The following CADM2 variants were observed in gnomAD, a reference collection of about 807,000 sequenced individuals.
CADM2 encodes the protein immunoglobulin superfamily member 4D.
Under a neutral mutation model 49.8 loss-of-function variants are expected in CADM2, and 12 were observed. The ratio of observed to expected loss-of-function variants is 0.24; its 90% confidence interval spans 0.15 to 0.39. The LOEUF (loss-of-function observed/expected upper bound fraction) is 0.39. CADM2 is among the 10% of genes least tolerant of loss of function. The probability of loss-of-function intolerance (pLI) is 1.00; values close to 1 mark genes in which losing one functional copy is unlikely to be tolerated. For synonymous variants in CADM2, 214 were observed against 175.4 expected, an observed-to-expected ratio of 1.22 and a Z score of -1.74; for missense variants, 378 against 492.3, an observed-to-expected ratio of 0.77 and a Z score of 2.20.
intron 1 of CADM2, among the ~76,000 whole-genome samples, chr3:85,028,062 G>A (rs773873559): frequency 2.8e-4 from 42 of 151,994 alleles, no homozygotes; most frequent in Non-Finnish European, 5.6e-4. Flanking sequence ...CCAAACCCTT[G>A]TATTCATAGG....
chr3:85,473,807 C>A (rs572181715), intron 1 of CADM2, among the ~76,000 whole-genome samples: 6 of 152,126 alleles, frequency 3.9e-5, no homozygotes, highest in African/African-American at 1.4e-4. Flanking sequence ...TGAAAATATA[C>A]TATAGGATAT....
intron 1 of CADM2, among the ~76,000 whole-genome samples, chr3:85,565,748 A>C (rs2107204716): frequency 6.6e-6 from 1 of 152,258 alleles, no homozygotes; most frequent in Admixed American, 6.5e-5. Context: ...CTATAATTTG[A>C]AAATCCAGTG....
chr3:85,353,065 G>C (rs1429003837), intron 1 of CADM2, among the ~76,000 whole-genome samples: 6 of 152,142 alleles, frequency 3.9e-5, no homozygotes, highest in African/African-American at 1.4e-4. Context: ...TCTGTAGAGT[G>C]AGAGCTAATC....
At chr3:85,248,043 A>G (rs954349642) in intron 1 of CADM2, among the ~76,000 whole-genome samples, 5 of 152,184 alleles carry the variant, frequency 3.3e-5, no homozygotes, top group Non-Finnish European at 7.4e-5. Context: ...TCACTCAGAT[A>G]GATTGTGCAT....
intron 6 of CADM2, among the ~76,000 whole-genome samples, chr3:85,915,793 G>A (rs1240530574): frequency 3.9e-5 from 6 of 152,052 alleles, no homozygotes; most frequent in Admixed American, 3.3e-4. Flanking sequence ...CTAAAAGACT[G>A]GCCCAAATGG....
Position 84,959,525 on chromosome 3 carries a change from A to T in CADM2, c.-83A>T, listed in dbSNP as rs1386173919. 2.2e-6 allele frequency: 3 copies of T among 1,343,686 alleles called. No individual in the cohort carries two copies. The highest frequency in any genetic ancestry group is 5.1e-5 in the East Asian group (2 of 39,314). The allele number at this position is 1,343,686 out of a possible 1,614,324, so 83.2% of individuals were successfully genotyped here. The stretch of plus-strand genomic sequence containing the variant: ...CGGCGGGCGCCGGGAGGAGGACACC[A>T]GCGGAGCCCTGCACTCTCGTGCCCC... On this transcript the variant is annotated 5_prime_UTR_variant, in exon 1 of 10. Transcript: ENST00000383699.
At chr3:85,977,394 T>C (rs1028514348) in intron 8 of CADM2, among the ~76,000 whole-genome samples, 1 of 151,506 alleles carries the variant, frequency 6.6e-6, no homozygotes, top group Non-Finnish European at 1.5e-5. Flanking sequence ...CCTGGTATTA[T>C]TGTTTGTTCA....
At chr3:85,088,097 T>C (rs2037453124) in intron 1 of CADM2, among the ~76,000 whole-genome samples, 1 of 152,028 alleles carries the variant, frequency 6.6e-6, no homozygotes, top group Admixed American at 6.6e-5. Flanking sequence ...TGTCTAATCC[T>C]GAATGAAGGT....
chr3:85,402,058 A>T (rs2035139335), intron 1 of CADM2, among the ~76,000 whole-genome samples: 1 of 152,136 alleles, frequency 6.6e-6, no homozygotes, highest in Non-Finnish European at 1.5e-5. Flanking sequence ...GAAATACGTT[A>T]TTTCTACATT....
intron 1 of CADM2, among the ~76,000 whole-genome samples, chr3:85,167,498 A>ATTCCT (rs1272867915): frequency 1.8e-4 from 27 of 152,250 alleles, no homozygotes; most frequent in Middle Eastern, 6.8e-3. Context: ...TGAGTGCCAA[A>ATTCCT]TACTTTGTAA....
chr3:85,729,879 C>G (rs1176225805), intron 2 of CADM2, among the ~76,000 whole-genome samples: 1 of 152,070 alleles, frequency 6.6e-6, no homozygotes, highest in African/African-American at 2.4e-5. Context: ...AACTGTTAAG[C>G]TTTTGTCTGA....
chr3:85,660,911 CT>C (rs1232452246), intron 1 of CADM2, among the ~76,000 whole-genome samples: 1 of 136,688 alleles, frequency 7.3e-6, no homozygotes, highest in East Asian at 2.4e-4. Flanking sequence ...TATAATCAAA[CT>C]AAAAAAAAAA....
At chr3:85,977,766 C>T (rs543761086) in intron 8 of CADM2, among the ~76,000 whole-genome samples, 2 of 151,682 alleles carry the variant, frequency 1.3e-5, no homozygotes, top group East Asian at 3.9e-4. Context: ...ATTAATGCAG[C>T]ACCACTGAGT....
At chr3:85,836,349 A>G (rs1487630637) in intron 3 of CADM2, among the ~76,000 whole-genome samples, 1 of 151,602 alleles carries the variant, frequency 6.6e-6, no homozygotes, top group Admixed American at 6.6e-5. Flanking sequence ...AAAAGAAAAA[A>G]CTGTGGTCAC....
chr3:85,334,188 A>G (rs765766932), intron 1 of CADM2, among the ~76,000 whole-genome samples: 3 of 151,460 alleles, frequency 2.0e-5, no homozygotes, highest in African/African-American at 4.8e-5. Flanking sequence ...TTGTAATCAA[A>G]TCTCTCCTGG....
At chr3:85,921,683 C>T (rs1474172628) in intron 6 of CADM2, among the ~76,000 whole-genome samples, 2 of 151,992 alleles carry the variant, frequency 1.3e-5, no homozygotes, top group African/African-American at 2.4e-5. Flanking sequence ...ACATCCTTTA[C>T]ATTAGGGTTC....
chr3:85,491,755 T>C (rs1286540791), intron 1 of CADM2, among the ~76,000 whole-genome samples: 1 of 151,618 alleles, frequency 6.6e-6, no homozygotes, highest in Non-Finnish European at 1.5e-5. Context: ...ATCGAGACCA[T>C]CCTTGCTGAC....
At chr3:85,188,378 G>A (rs1489914548) in intron 1 of CADM2, among the ~76,000 whole-genome samples, 3 of 152,042 alleles carry the variant, frequency 2.0e-5, no homozygotes, top group South Asian at 2.1e-4. Flanking sequence ...CCAATAGTGG[G>A]CTCTTGTTCC....
At chr3:85,326,481 T>A (rs1483543233) in intron 1 of CADM2, among the ~76,000 whole-genome samples, 1 of 152,060 alleles carries the variant, frequency 6.6e-6, no homozygotes, top group Non-Finnish European at 1.5e-5. Flanking sequence ...ATAACACTAT[T>A]TTTTTCCATT....
Sources: gnomAD v4.1 joint callset for allele counts (sites outside exome capture counted in the v4.1 genomes callset) on GRCh38, gnomAD v4.1.1 for gene constraint, MANE v1.5 for transcripts, NCBI Gene and HGNC (gene_info 2026-07-23, HGNC 2026-07-21) for gene names.